The following ABR variants were observed in gnomAD, a reference collection of about 807,000 sequenced individuals.
ABR encodes the protein ABR activator of RhoGEF and GTPase, also known as active breakpoint cluster region-related protein.
In ABR, 35 loss-of-function variants were observed where a neutral mutation model predicts 107.2. The observed-to-expected ratio is 0.33, with a 90% CI of 0.25 to 0.43. The LOEUF (loss-of-function observed/expected upper bound fraction) is 0.43, where lower values mean the gene tolerates loss of function less well. ABR is among the 20% of genes least tolerant of loss of function. ABR has a pLI of 1.00. For missense variants in ABR, 815 were observed against 1,115.2 expected (o/e 0.73, Z 3.83); for synonymous variants, 498 against 462.0 (o/e 1.08, Z -1.00).
chr17:1,108,982 T>C, intron 2 of ABR: 1 of 1,598,098 alleles, frequency 6.3e-7, no homozygotes, highest in Non-Finnish European at 8.5e-7. Flanking sequence ...TGGTCGGGGT[T>C]CCCAGCTCGC....
Position 1,157,199 on chromosome 17 carries a change from A to G in ABR, c.61+22468T>C, listed in dbSNP as rs936623553. On this transcript the variant is annotated intron_variant, in intron 1 of 22. Transcript: ENST00000302538. This position sits in a 1 kb window ranked among gnomAD's most constrained non-coding sequence, Gnocchi z 4.7. ...CTTGGAACCCGGGCAGTCTGGTCTC[A>G]GACACTACCCTCTCTTGCTACTAAG... is the stretch of plus-strand genomic sequence containing the variant. Among the ~76,000 whole-genome samples the G allele has an allele frequency of 1.3e-5, 2 of 152,008 alleles. No individual in the cohort carries two copies. Among genetic ancestry groups the G allele is most frequent in the Admixed American group, 6.5e-5 (1 of 15,282 alleles).
At chr17:1,079,498 G>C (rs1035061449) in intron 5 of ABR, 108 bp from the exon 6 acceptor site, 19 of 1,040,440 alleles carry the variant, frequency 1.8e-5, no homozygotes, top group Non-Finnish European at 2.8e-5. Context: ...GTGTACATAT[G>C]AGAACAGAGG....
intron 1 of ABR, among the ~76,000 whole-genome samples, chr17:1,143,398 C>T (rs1357464953): frequency 2.4e-3 from 27 of 11,464 alleles, no homozygotes; most frequent in Admixed American, 4.5e-3. Context: ...GGACAGCTCG[C>T]TCCTGGGGGG....
intron 16 of ABR, among the ~76,000 whole-genome samples, chr17:1,046,240 C>T (rs1172972759): frequency 1.3e-5 from 2 of 150,062 alleles, no homozygotes; most frequent in South Asian, 4.2e-4. Context: ...TCCCGACCTC[C>T]TAATCCGCCC....
intron 9 of ABR, 84 bp from the exon 10 acceptor site, chr17:1,067,326 A>C: frequency 1.6e-6 from 2 of 1,260,324 alleles, no homozygotes; most frequent in Non-Finnish European, 2.1e-6. Context: ...CCACAGAACC[A>C]CTGACAGGGG....
intron 11 of ABR, 142 bp downstream of exon 11, chr17:1,058,603 T>G: frequency 8.7e-7 from 1 of 1,142,912 alleles, no homozygotes; most frequent in Non-Finnish European, 1.2e-6. Context: ...GGAGAGCGAG[T>G]CAACAGCTGG....
At chr17:1,182,992 G>A (rs985275263), upstream of ABR, among the ~76,000 whole-genome samples, 28 of 152,268 alleles carry the variant, frequency 1.8e-4, no homozygotes, top group East Asian at 1.9e-4. Flanking sequence ...AGAAACCTCC[G>A]CATCCCTGGC....
chr17:1,113,925 C>T (rs2038858055), intron 2 of ABR, among the ~76,000 whole-genome samples: 1 of 151,800 alleles, frequency 6.6e-6, no homozygotes, highest in South Asian at 2.1e-4. Context: ...CCCAACAGTT[C>T]GGGAGGCCGA....
chr17:1,120,612 T>G (rs1306048467), intron 2 of ABR, among the ~76,000 whole-genome samples: 1 of 152,182 alleles, frequency 6.6e-6, no homozygotes, highest in Admixed American at 6.5e-5. Flanking sequence ...TCCACCCTTA[T>G]CTTTGGGTTC....
At chr17:1,043,763 C>A (rs900592760) in intron 16 of ABR, among the ~76,000 whole-genome samples, 10 of 152,214 alleles carry the variant, frequency 6.6e-5, no homozygotes, top group South Asian at 2.1e-4. Flanking sequence ...ACAGGGTCTT[C>A]AGCGCTGCTG....
intron 1 of ABR, among the ~76,000 whole-genome samples, chr17:1,168,306 A>G (rs1278974314): frequency 6.6e-6 from 1 of 152,190 alleles, no homozygotes; most frequent in African/African-American, 2.4e-5. Flanking sequence ...GTCTCAAAAA[A>G]AAAGATAAGA....
upstream of ABR, among the ~76,000 whole-genome samples, chr17:1,192,105 C>T (rs2042449160): frequency 6.6e-6 from 1 of 151,996 alleles, no homozygotes; most frequent in Non-Finnish European, 1.5e-5. Flanking sequence ...TCCTATATTC[C>T]AGGAAGTTTA....
chr17:1,079,435 C>A, intron 5 of ABR, 45 bp from the exon 6 acceptor site: 1 of 1,551,928 alleles, frequency 6.4e-7, no homozygotes, highest in South Asian at 1.1e-5. Flanking sequence ...TGTCCCTCAC[C>A]TCTCCCAGCC....
At chr17:1,031,552 CGCCCCCGA>C in intron 16 of ABR, 1 of 745,188 alleles carries the variant, frequency 1.3e-6, no homozygotes, top group Non-Finnish European at 1.8e-6. Context: ...AGCCCCGCAG[CGCCCCCGA>C]GCCCCCACCC....
chr17:1,045,394 ACAATCTTCCGTCTTCTTACAGCAG>A (rs1436061494), intron 16 of ABR, among the ~76,000 whole-genome samples: 31 of 125,918 alleles, frequency 2.5e-4, no homozygotes, highest in African/African-American at 7.9e-4. Context: ...TTACAGCAGG[ACAATCTTCCGTCTTCTTACAGCAG>A]GACAATCTTC....
intron 1 of ABR, among the ~76,000 whole-genome samples, chr17:1,214,955 C>T (rs1320052080): frequency 1.3e-5 from 2 of 152,034 alleles, no homozygotes; most frequent in Non-Finnish European, 2.9e-5. Flanking sequence ...TGGGGTGGCT[C>T]ACGCCTATAG....
chr17:1,044,201 G>GA (rs1363660692), intron 16 of ABR, among the ~76,000 whole-genome samples: 1 of 151,986 alleles, frequency 6.6e-6, no homozygotes, highest in Admixed American at 6.6e-5. Flanking sequence ...GCCGGTGGAG[G>GA]GGGGGCTCCC....
chr17:1,173,994 C>T (rs2041840107), intron 1 of ABR, among the ~76,000 whole-genome samples: 1 of 152,214 alleles, frequency 6.6e-6, no homozygotes, highest in African/African-American at 2.4e-5. Context: ...TCATGCCCTC[C>T]CTCTACGAAG....
At chr17:1,144,663 G>C (rs1027791067) in intron 1 of ABR, among the ~76,000 whole-genome samples, 11 of 151,954 alleles carry the variant, frequency 7.2e-5, no homozygotes. Context: ...AGGCTGAGGT[G>C]GGTGGATCAC....
Sources: gnomAD v4.1 joint callset for allele counts (sites outside exome capture counted in the v4.1 genomes callset) on GRCh38, gnomAD v4.1.1 for gene constraint, Gnocchi (gnomAD v3.1) non-coding constraint, MANE v1.5 for transcripts, NCBI Gene and HGNC (gene_info 2026-07-23, HGNC 2026-07-21) for gene names.